The following SEMA3A variants were observed in gnomAD, a reference collection of about 807,000 sequenced individuals.
SEMA3A encodes the protein semaphorin-3A.
SEMA3A carries 29 observed loss-of-function variants against 97.9 expected under a neutral mutation model. That is an observed-to-expected ratio of 0.30 (90% CI 0.22 to 0.40). The LOEUF (loss-of-function observed/expected upper bound fraction) is 0.40, where lower values mean the gene tolerates loss of function less well. Ranked by LOEUF, SEMA3A falls within the 10% of genes least tolerant of loss-of-function variation. The pLI is 1.00. For synonymous variants in SEMA3A, 321 were observed against 323.7 expected, an observed-to-expected ratio of 0.99 and a Z score of 0.09; for missense variants, 763 against 951.3, an observed-to-expected ratio of 0.80 and a Z score of 2.60.
chr7:84,055,328 TCA>T (rs1364282370), intron 5 of SEMA3A, among the ~76,000 whole-genome samples: 1 of 152,168 alleles, frequency 6.6e-6, no homozygotes, highest in Non-Finnish European at 1.5e-5. Flanking sequence ...CAGTTTGATC[TCA>T]GACTGCTGTG....
intron 1 of SEMA3A, among the ~76,000 whole-genome samples, chr7:84,462,490 G>T (rs957093920): frequency 1.3e-5 from 2 of 152,100 alleles, no homozygotes; most frequent in African/African-American, 4.8e-5. Context: ...AGCTCCACAG[G>T]ATCATTACAG....
At chr7:84,241,862 C>G (rs896402414) in intron 3 of SEMA3A, among the ~76,000 whole-genome samples, 1 of 152,106 alleles carries the variant, frequency 6.6e-6, no homozygotes, top group Non-Finnish European at 1.5e-5. Flanking sequence ...CCAGTTTTCC[C>G]AAAAGCATTT....
intron 3 of SEMA3A, among the ~76,000 whole-genome samples, chr7:84,265,749 G>C (rs534737544): frequency 6.6e-6 from 1 of 151,580 alleles, no homozygotes; most frequent in Non-Finnish European, 1.5e-5. Flanking sequence ...CTAGTAACAG[G>C]TCTCATCCCT....
At chr7:83,995,379 A>T (rs922943998) in intron 12 of SEMA3A, among the ~76,000 whole-genome samples, 1 of 152,124 alleles carries the variant, frequency 6.6e-6, no homozygotes, top group African/African-American at 2.4e-5. Flanking sequence ...GGTGAAACAT[A>T]AAAGAAACCC....
intron 1 of SEMA3A, among the ~76,000 whole-genome samples, chr7:84,424,649 T>C: frequency 1.1e-5 from 1 of 94,364 alleles, no homozygotes; most frequent in Non-Finnish European, 1.8e-5. Context: ...TATATTATAT[T>C]TATATATTAT....
At chr7:84,036,012 G>A (rs1360637524) in intron 6 of SEMA3A, among the ~76,000 whole-genome samples, 1 of 151,752 alleles carries the variant, frequency 6.6e-6, no homozygotes, top group African/African-American at 2.4e-5. Context: ...TTCTACACAC[G>A]CTTTCTAAGA....
intron 4 of SEMA3A, among the ~76,000 whole-genome samples, chr7:84,105,879 G>A (rs1795093962): frequency 6.6e-6 from 1 of 152,100 alleles, no homozygotes; most frequent in Non-Finnish European, 1.5e-5. Flanking sequence ...CATGAACTCT[G>A]CAAGCATTTT....
chr7:84,037,829 TAAGA>T (rs950091906), intron 6 of SEMA3A, among the ~76,000 whole-genome samples: 4 of 152,020 alleles, frequency 2.6e-5, no homozygotes, highest in African/African-American at 9.7e-5. Flanking sequence ...TATATGATAA[TAAGA>T]AAGTACCATA....
chr7:84,068,094 T>C (rs1793600023), intron 4 of SEMA3A, among the ~76,000 whole-genome samples: 1 of 121,428 alleles, frequency 8.2e-6, no homozygotes, highest in Non-Finnish European at 1.6e-5. Flanking sequence ...TATGCAGCCA[T>C]AACAAATGAT....
chr7:84,161,348 G>A (rs933927286), intron 1 of SEMA3A, among the ~76,000 whole-genome samples: 1 of 151,532 alleles, frequency 6.6e-6, no homozygotes, highest in Non-Finnish European at 1.5e-5. Flanking sequence ...TGGGCAACAA[G>A]AGCAAAATTC....
chr7:84,316,130 C>CAAAAAAAAAAAA lies in SEMA3A; in HGVS notation c.-168-8850_-168-8839dup, dbSNP rs202005657. Among the ~76,000 whole-genome samples, 4 of 30,226 alleles carry CAAAAAAAAAAAA rather than the reference C, an allele frequency of 1.3e-4. No homozygotes were observed. The East Asian group carries it at 1.6e-3, about 12-fold the overall frequency. The allele number at this position is 30,226 out of a possible 152,430, so 19.8% of individuals were successfully genotyped here. A position where few individuals can be genotyped will look rare whatever the true frequency, so the allele number is the denominator to read the frequency against. ...TGCACAATATAGGAAGACTCTATCT[C>CAAAAAAAAAAAA]AAAAAAAAAAAAAAAAAAAAAAAAA... On this transcript the variant is annotated intron_variant, in intron 2 of 3. Transcript: ENST00000424555.
intron 4 of SEMA3A, among the ~76,000 whole-genome samples, chr7:84,107,790 G>A (rs1229070987): frequency 1.3e-5 from 2 of 152,050 alleles, no homozygotes; most frequent in Non-Finnish European, 2.9e-5. Context: ...TCAGGAAAAT[G>A]ATAAAAATGC....
intron 1 of SEMA3A, among the ~76,000 whole-genome samples, chr7:84,136,397 G>T (rs900680387): frequency 3.4e-4 from 52 of 152,102 alleles, no homozygotes; most frequent in African/African-American, 1.3e-3. Context: ...CTTTAACTTA[G>T]CACTAAAGGT....
intron 2 of SEMA3A, among the ~76,000 whole-genome samples, chr7:84,132,672 T>G (rs1046174062): frequency 0.01 from 1,307 of 127,692 alleles, 67 homozygotes; most frequent in African/African-American, 0.034. Context: ...GTTTTTTTTT[T>G]TTTTTTTTTT....
intron 6 of SEMA3A, among the ~76,000 whole-genome samples, chr7:84,037,062 T>C (rs970566174): frequency 2.0e-5 from 3 of 152,132 alleles, no homozygotes; most frequent in Non-Finnish European, 2.9e-5. Context: ...GAAATTATTA[T>C]TAACCATTAG....
At position 84,063,156 on chromosome 7, in the gene SEMA3A, C is replaced by T. The variant is rs532373795; in HGVS notation, c.454-2598G>A. On this transcript the variant is annotated intron_variant, in intron 4 of 16. Coordinates refer to ENST00000265362, the MANE Select transcript of SEMA3A (RefSeq NM_006080.3). ...ACTGTGAGGCACCCCCAAGCAGGGG[C>T]ACACTGACACCTCACATGGCAGGGT... 1.4e-3 allele frequency among the ~76,000 whole-genome samples: 218 copies of T among 151,998 alleles called. 1 individual carries two copies. The highest frequency in any genetic ancestry group is 4.7e-3 in the African/African-American group (195 of 41,504).
chr7:84,490,043 A>G lies in SEMA3A; in HGVS notation c.-246+2417T>C, dbSNP rs984298514. The stretch of plus-strand genomic sequence containing the variant: ...GTATAGATAAAGCCACAGGGACACA[A>G]AATGCATAATACATGAAAAAATTGT... On this transcript the variant is annotated intron_variant, in intron 1 of 3. Transcript: ENST00000424555. 2.4e-4 allele frequency among the ~76,000 whole-genome samples: 37 copies of G among 151,980 alleles called. 1 individual carries two copies. The highest frequency in any genetic ancestry group is 4.7e-4 in the Non-Finnish European group (32 of 67,974).
intron 1 of SEMA3A, among the ~76,000 whole-genome samples, chr7:84,480,223 G>C (rs544549527): frequency 6.6e-6 from 1 of 151,960 alleles, no homozygotes; most frequent in East Asian, 1.9e-4. Context: ...TTGTTTTTTT[G>C]TTTTAACTTT....
At chr7:84,474,470 T>A (rs1806229480) in intron 1 of SEMA3A, among the ~76,000 whole-genome samples, 1 of 152,116 alleles carries the variant, frequency 6.6e-6, no homozygotes, top group South Asian at 2.1e-4. Context: ...CAGAGTAACA[T>A]TTGAAATCAT....
Sources: gnomAD v4.1 joint callset for allele counts (sites outside exome capture counted in the v4.1 genomes callset) on GRCh38, gnomAD v4.1.1 for gene constraint, MANE v1.5 for transcripts, NCBI Gene and HGNC (gene_info 2026-07-23, HGNC 2026-07-21) for gene names.